CDH20: variants seen among roughly 807,000 people sequenced by gnomAD.
CDH20 encodes cadherin-20.
CDH20 carries 29 observed loss-of-function variants against 74.2 expected under a neutral mutation model. The ratio of observed to expected loss-of-function variants is 0.39; its 90% CI spans 0.29 to 0.53. The LOEUF is 0.53. Among genes scored for constraint, CDH20 ranks in the 20% least tolerant of loss-of-function variants. The pLI, the probability that CDH20 is intolerant of heterozygous loss-of-function variation, is 0.69. For missense variants in CDH20, 988 were observed against 1,048.3 expected (o/e 0.94, Z 0.79); for synonymous variants, 469 against 405.4 (o/e 1.16, Z -1.88).
intron 1 of CDH20, among the ~76,000 whole-genome samples, chr18:61,397,339 T>C (rs1237194092): frequency 6.6e-6 from 1 of 152,152 alleles, no homozygotes; most frequent in Admixed American, 6.5e-5. Flanking sequence ...CAGGCATTTT[T>C]CCTGGAGTCC....
intron 6 of CDH20, among the ~76,000 whole-genome samples, chr18:61,527,412 T>TAGATAGATAGAA (rs1420336443): frequency 6.6e-6 from 1 of 150,928 alleles, no homozygotes; most frequent in African/African-American, 2.4e-5. Context: ...GATAGATAGA[T>TAGATAGATAGAA]AGAATAGATA....
chr18:61,535,984 G>A (rs1912805614), intron 7 of CDH20, among the ~76,000 whole-genome samples: 1 of 152,110 alleles, frequency 6.6e-6, no homozygotes, highest in Non-Finnish European at 1.5e-5. Context: ...TTTGCCAGAA[G>A]GTGGGTCATT....
intron 1 of CDH20, among the ~76,000 whole-genome samples, chr18:61,444,947 G>T (rs1056815900): frequency 6.6e-6 from 1 of 152,106 alleles, no homozygotes; most frequent in Non-Finnish European, 1.5e-5. Flanking sequence ...GAAAGGGGTT[G>T]CTCTAAATGC....
chr18:61,355,053 A>G (rs17068209), intron 1 of CDH20, among the ~76,000 whole-genome samples: 27,739 of 152,230 alleles, frequency 0.18, 3,212 homozygotes, highest in East Asian at 0.48. Context: ...GGCCACATCT[A>G]GAACCACTGC....
intron 1 of CDH20, among the ~76,000 whole-genome samples, chr18:61,412,826 G>A (rs183085466): frequency 1.3e-5 from 2 of 152,190 alleles, no homozygotes; most frequent in East Asian, 3.9e-4. Context: ...CATATGTTAG[G>A]TATGACCCAT....
chr18:61,458,384 C>T (rs1909651378), intron 1 of CDH20, among the ~76,000 whole-genome samples: 1 of 152,086 alleles, frequency 6.6e-6, no homozygotes, highest in African/African-American at 2.4e-5. Flanking sequence ...CATTCTTTGC[C>T]ATATTTGGGG....
intron 1 of CDH20, among the ~76,000 whole-genome samples, chr18:61,484,404 A>G (rs900014204): frequency 1.3e-5 from 2 of 152,196 alleles, no homozygotes; most frequent in Admixed American, 6.5e-5. Flanking sequence ...GGATTAAAAC[A>G]TTTACTAGAT....
At chr18:61,486,361 T>C (rs1265921592) in intron 1 of CDH20, among the ~76,000 whole-genome samples, 1 of 152,212 alleles carries the variant, frequency 6.6e-6, no homozygotes, top group Non-Finnish European at 1.5e-5. Context: ...ATGGGAATAT[T>C]ATTGTTTGTG....
chr18:61,479,645 T>C (rs2091445725), intron 1 of CDH20, among the ~76,000 whole-genome samples: 3 of 133,480 alleles, frequency 2.2e-5, no homozygotes, highest in South Asian at 2.7e-4. Context: ...TCTTGTCTTC[T>C]CTATGTGTGT....
chr18:61,483,571 TTAA>T (rs1910661657), intron 1 of CDH20, among the ~76,000 whole-genome samples: 1 of 152,218 alleles, frequency 6.6e-6, no homozygotes, highest in Admixed American at 6.5e-5. Flanking sequence ...ACTATTATTG[TTAA>T]TAATGGTATG....
intron 1 of CDH20, among the ~76,000 whole-genome samples, chr18:61,403,373 T>C (rs1156925901): frequency 5.9e-5 from 9 of 152,200 alleles, no homozygotes; most frequent in African/African-American, 2.2e-4. Flanking sequence ...ATGTAGAAAA[T>C]GAGTGTTTTG....
chr18:61,529,963 A>G (rs1912582116), intron 7 of CDH20, among the ~76,000 whole-genome samples: 1 of 152,170 alleles, frequency 6.6e-6, no homozygotes, highest in Non-Finnish European at 1.5e-5. Context: ...GCAAGAGTGA[A>G]CAGGCCAGAG....
chr18:61,391,432 A>T (rs1911776687), intron 1 of CDH20, among the ~76,000 whole-genome samples: 1 of 152,198 alleles, frequency 6.6e-6, no homozygotes, highest in African/African-American at 2.4e-5. Context: ...TAAGAGAACA[A>T]TCAGACAATT....
intron 1 of CDH20, among the ~76,000 whole-genome samples, chr18:61,401,201 A>G (rs1159159268): frequency 6.6e-6 from 1 of 152,232 alleles, no homozygotes; most frequent in African/African-American, 2.4e-5. Context: ...TCCTTGTGCA[A>G]TGTGCTGCAA....
intron 1 of CDH20, among the ~76,000 whole-genome samples, chr18:61,435,647 G>A (rs1480574052): frequency 6.6e-6 from 1 of 151,430 alleles, no homozygotes; most frequent in East Asian, 1.9e-4. Flanking sequence ...GGCAGACATA[G>A]GACAAGTAAA....
intron 9 of CDH20, 40 bp from the exon 10 acceptor site, chr18:61,544,987 C>T: frequency 1.4e-6 from 2 of 1,404,564 alleles, no homozygotes; most frequent in Non-Finnish European, 2.0e-6. Flanking sequence ...GTGCTTTTTC[C>T]TTTGGCTCCA....
intron 1 of CDH20, among the ~76,000 whole-genome samples, chr18:61,457,413 A>C (rs899704676): frequency 2.6e-5 from 4 of 152,130 alleles, no homozygotes; most frequent in Non-Finnish European, 5.9e-5. Flanking sequence ...TATTCTTATT[A>C]TCATTCTCAT....
chr18:61,549,880 T>C lies in CDH20; in HGVS notation c.1649-98T>C. 7.7e-6 allele frequency: 10 copies of C among 1,291,766 alleles called. No individual in the cohort carries two copies. In the South Asian group the frequency reaches 1.1e-4, roughly 14 times the overall value. 80.0% of individuals were successfully genotyped at this position (1,291,766 alleles called of 1,614,324 possible). On this transcript the variant is annotated intron_variant, in intron 10 of 11. Coordinates refer to ENST00000262717, the MANE Select transcript of CDH20 (RefSeq NM_031891.4). ...TACCAGGGAATATCTGACTATCCTC[T>C]TTCCTTCCTACACCCTGCCCCTGCC...
chr18:61,464,757 A>T (rs1568149916), intron 1 of CDH20, among the ~76,000 whole-genome samples: 1 of 152,210 alleles, frequency 6.6e-6, no homozygotes. Flanking sequence ...TAGGACTAGG[A>T]GGAAACATTA....
Sources: allele counts gnomAD v4.1 joint callset (sites outside exome capture counted in the v4.1 genomes callset), GRCh38; gene constraint gnomAD v4.1.1; transcripts MANE v1.5; gene names NCBI Gene and HGNC (gene_info 2026-07-23, HGNC 2026-07-21).